The following MED13L variants were observed in gnomAD, a reference collection of about 807,000 sequenced individuals.
The protein encoded by MED13L is mediator complex subunit 13L, also known as mediator of RNA polymerase II transcription subunit 13-like.
MED13L carries 7 observed loss-of-function variants against 220.9 expected under a neutral mutation model. The ratio of observed to expected loss-of-function variants is 0.03; its 90% CI spans 0.02 to 0.06. MED13L has a LOEUF of 0.06. MED13L is among the 10% of genes least tolerant of loss of function. MED13L has a pLI of 1.00. For missense variants in MED13L, 1,965 were observed against 2,760.5 expected (o/e 0.71, Z 6.46); for synonymous variants, 1,011 against 1,015.2 (o/e 1.00, Z 0.08).
intron 2 of MED13L, among the ~76,000 whole-genome samples, chr12:116,205,530 G>GAAA (rs1882257813): frequency 2.3e-5 from 1 of 43,944 alleles, no homozygotes; most frequent in Non-Finnish European, 4.9e-5. Context: ...AACAAAGGAA[G>GAAA]AGAAAAAAAA....
intron 4 of MED13L, among the ~76,000 whole-genome samples, chr12:116,062,103 C>G (rs921545139): frequency 6.6e-6 from 1 of 150,382 alleles, no homozygotes; most frequent in African/African-American, 2.4e-5. Flanking sequence ...TGAATCAATT[C>G]TCTTCTATTG....
chr12:116,256,290 CAA>C (rs1212694657), intron 1 of MED13L, among the ~76,000 whole-genome samples: 11 of 80,300 alleles, frequency 1.4e-4, no homozygotes, highest in Admixed American at 1.3e-4. Flanking sequence ...TACTATTTAG[CAA>C]AAAAAAAAAA....
chr12:116,250,025 T>TA (rs71095516), intron 1 of MED13L, among the ~76,000 whole-genome samples: 6,357 of 40,452 alleles, frequency 0.16, 460 homozygotes, highest in African/African-American at 0.26. Context: ...CAGCATAAAC[T>TA]AAAAAAAAAA....
chr12:116,260,694 T>C (rs1408332614), intron 1 of MED13L, among the ~76,000 whole-genome samples: 2 of 152,164 alleles, frequency 1.3e-5, no homozygotes, highest in Admixed American at 1.3e-4. Flanking sequence ...TCTCTACAAA[T>C]GCCCCCGCTA....
chr12:116,062,489 T>A (rs1352899057), intron 4 of MED13L, among the ~76,000 whole-genome samples: 1 of 8,838 alleles, frequency 1.1e-4, no homozygotes, highest in South Asian at 3.6e-3. Flanking sequence ...TCTCTCTGTG[T>A]TTTTTTTTTT....
chr12:116,046,253 G>C lies in MED13L; in HGVS notation c.480-23652C>G, dbSNP rs556259079. 1.1e-4 allele frequency among the ~76,000 whole-genome samples: 16 copies of C among 152,074 alleles called. No individual in the cohort carries two copies. In the South Asian group the frequency reaches 3.3e-3, roughly 32 times the overall value. On this transcript the variant is annotated intron_variant, in intron 4 of 30. Transcript: ENST00000281928. ...AAGCTGAATCAGCTAATTTTGAATAGTCAGTGTAAAAAACAAAAACACAAA... is the reference window on the plus strand; with the variant it reads ...AAGCTGAATCAGCTAATTTTGAATACTCAGTGTAAAAAACAAAAACACAAA...
intron 2 of MED13L, among the ~76,000 whole-genome samples, chr12:116,194,483 G>C (rs1234950555): frequency 1.3e-5 from 2 of 152,102 alleles, no homozygotes; most frequent in Non-Finnish European, 2.9e-5. Flanking sequence ...TTCTTTTTAA[G>C]TACAGGGTAT....
intron 1 of MED13L, among the ~76,000 whole-genome samples, chr12:116,248,559 TATC>T (rs1216630094): frequency 1.3e-5 from 2 of 152,232 alleles, no homozygotes; most frequent in African/African-American, 2.4e-5. Flanking sequence ...ATAATTCTAA[TATC>T]ATTTCTATTT....
At chr12:116,145,956 A>G (rs889853055) in intron 2 of MED13L, among the ~76,000 whole-genome samples, 2 of 152,068 alleles carry the variant, frequency 1.3e-5, no homozygotes, top group African/African-American at 4.8e-5. Context: ...ATTCTTTTCT[A>G]TTTGTGACCC....
intron 1 of MED13L, among the ~76,000 whole-genome samples, chr12:116,245,862 AT>A (rs955494500): frequency 6.6e-6 from 1 of 152,144 alleles, no homozygotes; most frequent in African/African-American, 2.4e-5. Context: ...CAACAAAACA[AT>A]TCATAACAAT....
At chr12:116,238,070 G>C (rs973111733) in intron 1 of MED13L, among the ~76,000 whole-genome samples, 1 of 152,138 alleles carries the variant, frequency 6.6e-6, no homozygotes, top group African/African-American at 2.4e-5. Flanking sequence ...AATCAAGTAA[G>C]ATTTTAAAAA....
chr12:116,143,193 A>C (rs933271684), intron 2 of MED13L, among the ~76,000 whole-genome samples: 1 of 152,096 alleles, frequency 6.6e-6, no homozygotes, highest in Non-Finnish European at 1.5e-5. Flanking sequence ...CAGATACTAA[A>C]GGACCTCAAG....
Position 116,007,645 on chromosome 12 carries a change from CAAAAAAAA to C in MED13L, c.2013-17_2013-10del. On this transcript the variant is annotated splice_polypyrimidine_tract_variant and intron_variant, in intron 10 of 30. Transcript: ENST00000281928. ...TAGGTTGTGCTAAGAGTCTAAAAGA[CAAAAAAAA>C]AAAAAAAAAAAAGAGCATTTATGCC... 11 of 754,766 alleles carry C rather than the reference CAAAAAAAA, an allele frequency of 1.5e-5. No homozygotes were observed. Among genetic ancestry groups the C allele is most frequent in the Non-Finnish European group, 2.0e-5 (11 of 547,172 alleles). 46.8% of individuals were successfully genotyped at this position (754,766 alleles called of 1,614,324 possible).
At chr12:116,078,736 G>T (rs1348680270) in intron 4 of MED13L, among the ~76,000 whole-genome samples, 2 of 152,012 alleles carry the variant, frequency 1.3e-5, no homozygotes, top group African/African-American at 4.8e-5. Flanking sequence ...TAATTATCTG[G>T]TCCTTTACAA....
intron 1 of MED13L, among the ~76,000 whole-genome samples, chr12:116,268,873 AATT>A (rs1164520824): frequency 6.6e-6 from 1 of 152,192 alleles, no homozygotes; most frequent in Non-Finnish European, 1.5e-5. Flanking sequence ...ACAAATTAAG[AATT>A]ATTAAGTAAA....
chr12:116,258,575 G>A (rs1177087810), intron 1 of MED13L, among the ~76,000 whole-genome samples: 5 of 151,936 alleles, frequency 3.3e-5, no homozygotes, highest in Admixed American at 2.0e-4. Context: ...TCAGGAGTTC[G>A]AGACCAGCCT....
At chr12:115,981,289 ACAGT>A (rs1416370269) in intron 22 of MED13L, among the ~76,000 whole-genome samples, 3 of 152,186 alleles carry the variant, frequency 2.0e-5, no homozygotes, top group Non-Finnish European at 4.4e-5. Flanking sequence ...TTATAATTAC[ACAGT>A]GTGTATGGCA....
At chr12:116,135,458 T>C (rs1876455217) in intron 2 of MED13L, among the ~76,000 whole-genome samples, 1 of 152,238 alleles carries the variant, frequency 6.6e-6, no homozygotes, top group Non-Finnish European at 1.5e-5. Flanking sequence ...TCAATTATAC[T>C]AGCTTTGCCA....
rs747377067 is a variant in MED13L, at chr12:115,991,257, G to T, written c.3697C>A (p.His1233Asn). 1 of 1,614,194 alleles carries T rather than the reference G, an allele frequency of 6.2e-7. No individual in the cohort carries two copies. The highest frequency in any genetic ancestry group is 1.1e-5 in the South Asian group (1 of 91,084). Residue 1233 changes from histidine to asparagine, a missense_variant, in exon 17 of 31, where the codon CAC becomes AAC. His to Asn is a moderately conservative substitution (Grantham distance 68). Coordinates refer to ENST00000281928, the MANE Select transcript of MED13L (RefSeq NM_015335.5). The surrounding 1 kb of genome is among the most constrained non-coding windows in gnomAD (Gnocchi z 7.7). ...ISLLLLLQNQ[H>N]TQPFASLNFL... ...TTCAGTGAAGCAAAAGGTTGTGTGT[G>T]TTGATTCTGGAGGAGGAGGAGAAGG...
Sources: gnomAD v4.1 joint callset for allele counts (sites outside exome capture counted in the v4.1 genomes callset) on GRCh38, gnomAD v4.1.1 for gene constraint, Gnocchi (gnomAD v3.1) non-coding constraint, MANE v1.5 for transcripts, NCBI Gene and HGNC (gene_info 2026-07-23, HGNC 2026-07-21) for gene names.